USP34: variants seen among roughly 807,000 people sequenced by gnomAD.
The protein encoded by USP34 is ubiquitin carboxyl-terminal hydrolase 34.
Under a neutral mutation model 460.3 loss-of-function variants are expected in USP34, and 70 were observed. The ratio of observed to expected loss-of-function variants is 0.15; its 90% CI spans 0.13 to 0.19. The LOEUF (loss-of-function observed/expected upper bound fraction) is 0.19, where lower values mean the gene tolerates loss of function less well. USP34 is among the 10% of genes least tolerant of loss of function. The pLI is 1.00. For synonymous variants in USP34, 1,647 were observed against 1,405.3 expected, an observed-to-expected ratio of 1.17 and a Z score of -3.85; for missense variants, 3,985 against 4,236.2, an observed-to-expected ratio of 0.94 and a Z score of 1.65.
chr2:61,302,967 C>G (rs1371650885), intron 27 of USP34, among the ~76,000 whole-genome samples: 1 of 152,186 alleles, frequency 6.6e-6, no homozygotes, highest in East Asian at 1.9e-4. Context: ...TACCTAACAT[C>G]TTTACAATAT....
chr2:61,456,163 G>T (rs1695432143), intron 1 of USP34, among the ~76,000 whole-genome samples: 1 of 152,176 alleles, frequency 6.6e-6, no homozygotes, highest in Non-Finnish European at 1.5e-5. Context: ...ACAATATTAA[G>T]AAATGGTTTT....
At chr2:61,191,069 AGAATCAAAATCAATTCTCCAAAAT>A (rs1209547749) in intron 76 of USP34, 1 of 156,548 alleles carries the variant, frequency 6.4e-6, no homozygotes, top group Non-Finnish European at 1.4e-5. Context: ...ACACATTTTA[AGAATCAAAATCAATTCTCCAAAAT>A]GTTTTAAACT....
intron 10 of USP34, among the ~76,000 whole-genome samples, chr2:61,356,064 A>T (rs950405101): frequency 1.3e-5 from 2 of 152,222 alleles, no homozygotes; most frequent in Non-Finnish European, 2.9e-5. Context: ...TATGTCTAAA[A>T]GAATTCAAAG....
chr2:61,341,554 G>T (rs1691600520), intron 16 of USP34, among the ~76,000 whole-genome samples: 3 of 151,902 alleles, frequency 2.0e-5, no homozygotes, highest in Admixed American at 2.0e-4. Flanking sequence ...TGGTTGTTTA[G>T]AAGAGAGTGA....
intron 1 of USP34, among the ~76,000 whole-genome samples, chr2:61,428,349 T>C (rs1244118442): frequency 6.7e-6 from 1 of 149,750 alleles, no homozygotes; most frequent in Non-Finnish European, 1.5e-5. Flanking sequence ...CACGTAGAAA[T>C]AGCAAATAAA....
intron 25 of USP34, 108 bp from the exon 26 acceptor site, chr2:61,312,018 A>G: frequency 7.3e-7 from 1 of 1,365,646 alleles, no homozygotes; most frequent in Non-Finnish European, 9.8e-7. Context: ...AAGAAGTTCT[A>G]AGTTCATTCC....
At chr2:61,359,183 A>T (rs1692198419) in intron 10 of USP34, among the ~76,000 whole-genome samples, 1 of 152,234 alleles carries the variant, frequency 6.6e-6, no homozygotes, top group Admixed American at 6.5e-5. Flanking sequence ...AAGAAAAAAA[A>T]GAAAAAACAA....
At chr2:61,233,161 C>A (rs990297486) in intron 57 of USP34, among the ~76,000 whole-genome samples, 3 of 151,874 alleles carry the variant, frequency 2.0e-5, no homozygotes, top group Admixed American at 6.6e-5. Context: ...CACCCGGCCA[C>A]CTATTAATAA....
intron 35 of USP34, 129 bp from the exon 36 acceptor site, chr2:61,283,578 TGAGAGTG>T: frequency 6.6e-6 from 1 of 151,762 alleles, no homozygotes; most frequent in Non-Finnish European, 1.0e-5. Context: ...GGTGTGTGAG[TGAGAGTG>T]AGAGTGAGAG....
At chr2:61,419,763 A>T (rs1336375576) in intron 2 of USP34, among the ~76,000 whole-genome samples, 6 of 152,228 alleles carry the variant, frequency 3.9e-5, no homozygotes, top group Non-Finnish European at 8.8e-5. Context: ...TCAGCAAATC[A>T]TTGTGGACTA....
rs977653419 is a variant in USP34, at chr2:61,388,781, ATATG to A, written c.754-5449_754-5446del. Reference sequence around the variant, plus strand: ...AGAAAAAGAATATATATATATATATATATGTACACACACACACACACAAACACCC... The same window carrying A: ...AGAAAAAGAATATATATATATATATATACACACACACACACACAAACACCC... On this transcript the variant is annotated intron_variant, in intron 5 of 79. Transcript: ENST00000398571. Among the ~76,000 whole-genome samples the A allele has an allele frequency of 2.2e-5, 3 of 136,894 alleles. No homozygotes were observed. In the Admixed American group the frequency reaches 2.3e-4, roughly 10 times the overall value. The allele number at this position is 136,894 out of a possible 152,430, so 89.8% of individuals were successfully genotyped here.
At chr2:61,226,947 T>C in intron 62 of USP34, 120 bp downstream of exon 62, 1 of 1,151,058 alleles carries the variant, frequency 8.7e-7, no homozygotes, top group Non-Finnish European at 1.2e-6. Flanking sequence ...AGCTAGTGAA[T>C]AACAATTACA....
chr2:61,433,089 CAAAT>C (rs1694722710), intron 1 of USP34, among the ~76,000 whole-genome samples: 4 of 152,170 alleles, frequency 2.6e-5, no homozygotes, highest in Admixed American at 2.6e-4. Context: ...CAAAGGTTAA[CAAAT>C]AAACAGCTAA....
intron 33 of USP34, 52 bp from the exon 34 acceptor site, chr2:61,288,929 C>T (rs771870445): frequency 1.3e-6 from 2 of 1,558,860 alleles, no homozygotes; most frequent in Admixed American, 1.7e-5. Context: ...TTTAGAATGG[C>T]CACAATACAA....
intron 30 of USP34, among the ~76,000 whole-genome samples, chr2:61,295,892 T>A (rs1254331908): frequency 6.6e-6 from 1 of 152,234 alleles, no homozygotes; most frequent in African/African-American, 2.4e-5. Flanking sequence ...ATTAGGACAT[T>A]TATTTTTTCA....
At chr2:61,248,004 C>G (rs776182493) in intron 49 of USP34, among the ~76,000 whole-genome samples, 1 of 151,890 alleles carries the variant, frequency 6.6e-6, no homozygotes, top group Non-Finnish European at 1.5e-5. Context: ...CTAGCCAACA[C>G]GGCGAAACCT....
Position 61,397,638 on chromosome 2 carries a change from C to T in USP34, c.553-2405G>A, listed in dbSNP as rs147783076. Among the ~76,000 whole-genome samples, 402 of 152,258 alleles carry T rather than the reference C, an allele frequency of 2.6e-3. 2 individuals carry two copies. Among genetic ancestry groups the T allele is most frequent in the African/African-American group, 8.4e-3 (351 of 41,558 alleles). On this transcript the variant is annotated intron_variant, in intron 3 of 79. Transcript: ENST00000398571. The stretch of plus-strand genomic sequence containing the variant: ...AAAACTGGCTGTGTGCAATGGCTCA[C>T]GCCTGTAATCCCAGCACTTTCAGAG...
chr2:61,448,559 A>T (rs939339960), intron 1 of USP34, among the ~76,000 whole-genome samples: 2 of 152,212 alleles, frequency 1.3e-5, no homozygotes, highest in Non-Finnish European at 2.9e-5. Context: ...ACCACTGATC[A>T]AGCCAAATGA....
At chr2:61,239,254 AAAAGCTAGAAATGAT>A (rs1402553727) in intron 53 of USP34, among the ~76,000 whole-genome samples, 1 of 150,516 alleles carries the variant, frequency 6.6e-6, no homozygotes, top group Non-Finnish European at 1.5e-5. Context: ...ACCTTAAATC[AAAAGCTAGAAATGAT>A]TAAGCTTCCT....
Sources: allele counts gnomAD v4.1 joint callset (sites outside exome capture counted in the v4.1 genomes callset), GRCh38; gene constraint gnomAD v4.1.1; transcripts MANE v1.5; gene names NCBI Gene and HGNC (gene_info 2026-07-23, HGNC 2026-07-21).